The following STRBP variants were observed in gnomAD, a reference collection of about 807,000 sequenced individuals.
The protein encoded by STRBP is spermatid perinuclear RNA-binding protein.
STRBP carries 13 observed loss-of-function variants against 80.1 expected under a neutral mutation model. That is an observed-to-expected ratio of 0.16 (90% CI 0.11 to 0.26). The LOEUF (loss-of-function observed/expected upper bound fraction) is 0.26, where lower values mean the gene tolerates loss of function less well. Among genes scored for constraint, STRBP ranks in the 10% least tolerant of loss-of-function variants. The pLI is 1.00. For missense variants in STRBP, 485 were observed against 815.2 expected (o/e 0.59, Z 4.93); for synonymous variants, 284 against 291.2 (o/e 0.98, Z 0.25).
chr9:123,146,052 C>T (rs901242208), intron 13 of STRBP, among the ~76,000 whole-genome samples: 1 of 151,508 alleles, frequency 6.6e-6, no homozygotes, highest in Non-Finnish European at 1.5e-5. Context: ...TGCATCTACA[C>T]TAATAATACA....
chr9:123,204,356 A>T (rs1222884910), intron 2 of STRBP, among the ~76,000 whole-genome samples: 1 of 152,228 alleles, frequency 6.6e-6, no homozygotes, highest in African/African-American at 2.4e-5. Context: ...ATCTTTTCCA[A>T]TTCACATCAC....
At chr9:123,182,297 T>G (rs1459074620) in intron 3 of STRBP, among the ~76,000 whole-genome samples, 1 of 149,680 alleles carries the variant, frequency 6.7e-6, no homozygotes, top group Admixed American at 6.7e-5. Flanking sequence ...AAATTCTCAT[T>G]GCAATCTGAG....
intron 1 of STRBP, among the ~76,000 whole-genome samples, chr9:123,247,076 A>G (rs978210415): frequency 1.3e-5 from 2 of 152,172 alleles, no homozygotes; most frequent in East Asian, 3.8e-4. Flanking sequence ...TTTTGAAAAA[A>G]CCAGATTGAA....
intron 11 of STRBP, among the ~76,000 whole-genome samples, chr9:123,151,935 G>A (rs1012895427): frequency 6.6e-6 from 1 of 151,918 alleles, no homozygotes; most frequent in African/African-American, 2.4e-5. Context: ...TCCCCTAGGT[G>A]AGAGTCATTA....
Position 123,215,573 on chromosome 9 carries a change from T to C in STRBP, c.-165+21257A>G, listed in dbSNP as rs180945768. Among the ~76,000 whole-genome samples, 53 of 152,144 alleles carry C rather than the reference T, an allele frequency of 3.5e-4. No homozygotes were observed. The East Asian group carries it at 9.5e-3, about 27-fold the overall frequency. On this transcript the variant is annotated intron_variant, in intron 2 of 18. Coordinates refer to ENST00000348403, the MANE Select transcript of STRBP (RefSeq NM_018387.5). The stretch of plus-strand genomic sequence containing the variant: ...ATTTGGGAGGCCAAATTACCTGAGG[T>C]CAGGAGTTTGAGACCAGCCTGGCCA...
chr9:123,122,617 A>G lies in STRBP; in HGVS notation c.*2980T>C. The G allele has an allele frequency of 1.9e-6, 2 of 1,065,178 alleles. No homozygotes were observed. Among genetic ancestry groups the G allele is most frequent in the Non-Finnish European group, 2.3e-6 (2 of 879,036 alleles). 66.0% of individuals were successfully genotyped at this position (1,065,178 alleles called of 1,614,324 possible). A position where few individuals can be genotyped will look rare whatever the true frequency, so the allele number is the denominator to read the frequency against. ...ATGAGGTATGTTGGAAATCTACTGG[A>G]CCAATTACCTTGCACAAGAGATGGG... On this transcript the variant is annotated 3_prime_UTR_variant, in exon 19 of 19. Coordinates refer to ENST00000348403, the MANE Select transcript of STRBP (RefSeq NM_018387.5).
intron 1 of STRBP, among the ~76,000 whole-genome samples, chr9:123,264,925 T>G (rs781598223): frequency 1.1e-4 from 17 of 152,232 alleles, no homozygotes; most frequent in Admixed American, 2.6e-4. Context: ...ATGGCTATGT[T>G]GGAGAGAACT....
At position 123,123,672 on chromosome 9, in the gene STRBP, G is replaced by A. The variant is rs961195872; in HGVS notation, c.*1925C>T. The A allele has an allele frequency of 7.1e-6, 7 of 985,210 alleles. No homozygotes were observed. Among genetic ancestry groups the A allele is most frequent in the African/African-American group, 1.7e-5 (1 of 57,202 alleles). The allele number at this position is 985,210 out of a possible 1,614,324, so 61.0% of individuals were successfully genotyped here. On this transcript the variant is annotated 3_prime_UTR_variant, in exon 19 of 19. Transcript: ENST00000348403. ...AGCTACTTCAAAAGAATTTTCTAAC[G>A]AGAAATATCTAGAGATTCCAACGTG...
At chr9:123,222,070 C>A (rs987751833) in intron 2 of STRBP, among the ~76,000 whole-genome samples, 27 of 152,218 alleles carry the variant, frequency 1.8e-4, no homozygotes, top group African/African-American at 6.0e-4. Flanking sequence ...ACCTGGCAAT[C>A]TTCTGCAAAG....
chr9:123,147,993 T>C (rs1319126815), intron 11 of STRBP, 123 bp from the exon 12 acceptor site: 1 of 776,770 alleles, frequency 1.3e-6, no homozygotes, highest in African/African-American at 1.7e-5. Context: ...TACAACTTTT[T>C]CACTGATCAG....
Position 123,247,363 on chromosome 9 carries a change from G to A in STRBP, c.-301-10397C>T, listed in dbSNP as rs184909387. Among the ~76,000 whole-genome samples, 15 of 152,140 alleles carry A rather than the reference G, an allele frequency of 9.9e-5. No homozygotes were observed. The East Asian group carries it at 2.1e-3, about 22-fold the overall frequency. ...GCTGACTGCAACCTCCACCTCCCGC[G>A]ATCAAAAGATTCTCCTGCCTCAGCC... On this transcript the variant is annotated intron_variant, in intron 1 of 18. Transcript: ENST00000348403.
At chr9:123,170,736 G>A (rs892686778) in intron 5 of STRBP, among the ~76,000 whole-genome samples, 1 of 151,984 alleles carries the variant, frequency 6.6e-6, no homozygotes, top group Non-Finnish European at 1.5e-5. Flanking sequence ...TTAGGTAGGG[G>A]CCTCCCACAA....
At chr9:123,232,507 C>T (rs1392354006) in intron 2 of STRBP, among the ~76,000 whole-genome samples, 1 of 152,190 alleles carries the variant, frequency 6.6e-6, no homozygotes, top group Non-Finnish European at 1.5e-5. Context: ...ATCCCTCCTA[C>T]TTCATTCCAT....
downstream of STRBP, among the ~76,000 whole-genome samples, chr9:123,119,080 T>C (rs1363192947): frequency 6.6e-6 from 1 of 152,136 alleles, no homozygotes; most frequent in Non-Finnish European, 1.5e-5. Flanking sequence ...TGAGTGCAGA[T>C]TTTTCCCCCC....
At chr9:123,250,223 T>C (rs528923611) in intron 1 of STRBP, among the ~76,000 whole-genome samples, 32 of 152,344 alleles carry the variant, frequency 2.1e-4, no homozygotes, top group Middle Eastern at 6.8e-3. Flanking sequence ...CTTCTTCATA[T>C]ACTTCATCAA....
chr9:123,252,008 T>C (rs1473917877), intron 1 of STRBP, among the ~76,000 whole-genome samples: 1 of 151,974 alleles, frequency 6.6e-6, no homozygotes, highest in Admixed American at 6.6e-5. Flanking sequence ...CCCTCATCAT[T>C]AGCTTGCATA....
At position 123,144,643 on chromosome 9, in the gene STRBP, A is replaced by AT. The variant is rs541158894; in HGVS notation, c.1338+2211dup. On this transcript the variant is annotated intron_variant, in intron 13 of 18. Transcript: ENST00000348403. ...TTATTTCTACGTATTAGAACTATGAATTTTTTCCCCTCATTTTCTAAACCA... is the reference window on the plus strand; with the variant it reads ...TTATTTCTACGTATTAGAACTATGAATTTTTTTCCCCTCATTTTCTAAACCA... 3.3e-5 allele frequency among the ~76,000 whole-genome samples: 5 copies of AT among 152,174 alleles called. No homozygotes were observed. The South Asian group carries it at 1.0e-3, about 32-fold the overall frequency.
intron 2 of STRBP, among the ~76,000 whole-genome samples, chr9:123,227,973 C>T (rs1319382798): frequency 6.6e-6 from 1 of 152,134 alleles, no homozygotes; most frequent in African/African-American, 2.4e-5. Context: ...GCAGGTGAGA[C>T]ATGATAATCA....
At chr9:123,228,974 G>C (rs1397751866) in intron 2 of STRBP, among the ~76,000 whole-genome samples, 1 of 152,122 alleles carries the variant, frequency 6.6e-6, no homozygotes, top group Admixed American at 6.6e-5. Context: ...ACAAAATGTG[G>C]CATATTCATA....
Sources: gnomAD v4.1 joint callset for allele counts (sites outside exome capture counted in the v4.1 genomes callset) on GRCh38, gnomAD v4.1.1 for gene constraint, MANE v1.5 for transcripts, NCBI Gene and HGNC (gene_info 2026-07-23, HGNC 2026-07-21) for gene names.